COL2A1: variants seen among roughly 807,000 people sequenced by gnomAD.
COL2A1 encodes the protein collagen alpha-1(II) chain.
In COL2A1, 28 loss-of-function variants were observed where a neutral mutation model predicts 204.5. That is an observed-to-expected ratio of 0.14 (90% CI 0.10 to 0.19). The LOEUF is 0.19. Among genes scored for constraint, COL2A1 ranks in the 10% least tolerant of loss-of-function variants. The pLI is 1.00. For missense variants in COL2A1, 1,388 were observed against 2,027.5 expected (o/e 0.68, Z 6.06); for synonymous variants, 708 against 718.7 (o/e 0.99, Z 0.24).
chr12:47,991,696 G>A (rs958923062), intron 16 of COL2A1, among the ~76,000 whole-genome samples: 7 of 152,238 alleles, frequency 4.6e-5, no homozygotes, highest in African/African-American at 1.7e-4. Context: ...CTGTGCCCAG[G>A]AAGGAGGGAA....
chr12:48,001,820 T>C (rs1940248926), intron 1 of COL2A1, among the ~76,000 whole-genome samples: 1 of 152,142 alleles, frequency 6.6e-6, no homozygotes. Context: ...ACCACCATAA[T>C]TGCTGCTCCA....
chr12:47,987,606 CTTACGGA>C lies in COL2A1; in HGVS notation c.1219_1221+4del. Reference sequence around the variant, plus strand: ...CCCCCCAGGCCAAAGAGAAGCTGCACTTACGGAGGCACCAGCAGGCCCAGGGGACCCA... The same window carrying C: ...CCCCCCAGGCCAAAGAGAAGCTGCACGGCACCAGCAGGCCCAGGGGACCCA... On this transcript the variant is annotated splice_donor_variant and splice_donor_region_variant and coding_sequence_variant and intron_variant, in exon 19 of 54. Transcript: ENST00000380518. LOFTEE classifies it high-confidence loss of function. The surrounding 1 kb of genome is among the most constrained non-coding windows in gnomAD (Gnocchi z 4.1). The C allele has an allele frequency of 6.2e-7, 1 of 1,610,230 alleles. No homozygotes were observed. Among genetic ancestry groups the C allele is most frequent in the Non-Finnish European group, 8.5e-7 (1 of 1,177,940 alleles).
intron 7 of COL2A1, among the ~76,000 whole-genome samples, chr12:47,997,248 G>A (rs1358330018): frequency 3.3e-5 from 5 of 152,220 alleles, no homozygotes; most frequent in African/African-American, 4.8e-5. Context: ...AAGGATAAAT[G>A]TCTTCCAAGG....
rs200112269 is a variant in COL2A1, at chr12:47,977,388, C to T, written c.3205G>A (p.Ala1069Thr). ...GETGAVGAPG[A>T]PGPPGSPGPA... is the part of the protein sequence containing the mutation. ...CCAGGGGAGCCAGGGGGCCCAGGGG[C>T]TCCAGGAGCTCCCACAGCACCAGTC... Residue 1069 changes from alanine (A) to threonine (T), a missense_variant, in exon 46 of 54, where the codon GCC becomes ACC. By Grantham distance (58) the Ala-to-Thr change is moderately conservative. This residue lies in a region of COL2A1 where 884 missense variants were observed against 1,415.8 expected (regional missense o/e 0.62). Transcript: ENST00000380518. 1 of 1,613,530 alleles carries T rather than the reference C, an allele frequency of 6.2e-7. No homozygotes were observed. The highest frequency in any genetic ancestry group is 2.2e-5 in the East Asian group (1 of 44,880).
intron 1 of COL2A1, among the ~76,000 whole-genome samples, chr12:48,001,604 C>T (rs558110470): frequency 6.6e-6 from 1 of 152,144 alleles, no homozygotes; most frequent in Non-Finnish European, 1.5e-5. Context: ...TCAGATTTCC[C>T]GGGGAAGGGC....
At chr12:47,997,841 CAGGGT>C (rs765993509) in intron 6 of COL2A1, 25 bp downstream of exon 6, 35 of 1,613,948 alleles carry the variant, frequency 2.2e-5, no homozygotes, top group Non-Finnish European at 2.6e-5. Flanking sequence ...GGAAGTCCAC[CAGGGT>C]CAAGCAGCAT....
At position 47,975,180 on chromosome 12, in the gene COL2A1, A is replaced by C. The variant is rs1002104929; in HGVS notation, c.3886+137T>G. 38 of 1,174,156 alleles carry C rather than the reference A, an allele frequency of 3.2e-5. No homozygotes were observed. The Admixed American group carries it at 7.2e-4, about 22-fold the overall frequency. The allele number at this position is 1,174,156 out of a possible 1,614,324, so 72.7% of individuals were successfully genotyped here. A position where few individuals can be genotyped will look rare whatever the true frequency, so the allele number is the denominator to read the frequency against. On this transcript the variant is annotated intron_variant, in intron 51 of 53. Coordinates refer to ENST00000380518, the MANE Select transcript of COL2A1 (RefSeq NM_001844.5). ...CAGGGCTGCAGCTTCTCTGCTGTGA[A>C]ATAAGAGAGGAACCCTCTGGCGGAA...
At chr12:47,991,908 G>C (rs1939727628) in intron 16 of COL2A1, among the ~76,000 whole-genome samples, 1 of 152,136 alleles carries the variant, frequency 6.6e-6, no homozygotes. Flanking sequence ...GACAAAGGGG[G>C]GTCGAGGCTT....
chr12:47,986,257 C>A (rs2136570297), intron 23 of COL2A1, 79 bp downstream of exon 23: 1 of 998,660 alleles, frequency 1.0e-6, no homozygotes, highest in East Asian at 2.6e-5. Context: ...GAGACTTGAC[C>A]AGAACACGGA....
Position 47,980,887 on chromosome 12 carries a change from A to G in COL2A1, c.2517+28T>C. 1 of 1,551,746 alleles carries G rather than the reference A, an allele frequency of 6.4e-7. No homozygotes were observed. The highest frequency in any genetic ancestry group is 8.7e-7 in the Non-Finnish European group (1 of 1,147,104). On this transcript the variant is annotated intron_variant, in intron 38 of 53. Transcript: ENST00000380518. This position sits in a 1 kb window ranked among gnomAD's most constrained non-coding sequence, Gnocchi z 4.5. ...ATGTGGAACTGGCCTGAGTGGAGGG[A>G]CCCAGGAGGATGGACAGAGATACTC...
intron 2 of COL2A1, among the ~76,000 whole-genome samples, chr12:47,999,447 C>T (rs1171761797): frequency 6.6e-6 from 1 of 152,184 alleles, no homozygotes; most frequent in East Asian, 1.9e-4. Flanking sequence ...AAGAGGGAGC[C>T]TCTGCCCCTG....
Position 47,977,386 on chromosome 12 carries a change from G to T in COL2A1, c.3207C>A (p.Ala1069=). 1 of 1,613,562 alleles carries T rather than the reference G, an allele frequency of 6.2e-7. No individual in the cohort carries two copies. The highest frequency in any genetic ancestry group is 8.5e-7 in the Non-Finnish European group (1 of 1,179,710). ...GETGAVGAPG[A]PGPPGSPGPA... Reference sequence around the variant, plus strand: ...GGCCAGGGGAGCCAGGGGGCCCAGGGGCTCCAGGAGCTCCCACAGCACCAG... The same window carrying T: ...GGCCAGGGGAGCCAGGGGGCCCAGGTGCTCCAGGAGCTCCCACAGCACCAG... The change falls in exon 46 of 54, where the codon GCC becomes GCA. Residue 1069 remains alanine, a synonymous_variant. Transcript: ENST00000380518.
chr12:47,985,867 C>A, intron 24 of COL2A1, 41 bp from the exon 25 acceptor site: 1 of 1,577,344 alleles, frequency 6.3e-7, no homozygotes, highest in Non-Finnish European at 8.6e-7. Flanking sequence ...ACCATGTGAC[C>A]TCAGCGATGC....
chr12:47,974,021 G>A (rs756901169), intron 53 of COL2A1, 68 bp downstream of exon 53: 33 of 1,612,174 alleles, frequency 2.0e-5, no homozygotes, highest in East Asian at 1.8e-4. Context: ...GCTGCCGCGG[G>A]CCAACCCTCA....
At chr12:47,986,031 GTCC>G in intron 23 of COL2A1, 66 bp from the exon 24 acceptor site, 2 of 1,460,138 alleles carry the variant, frequency 1.4e-6, no homozygotes, top group Non-Finnish European at 1.9e-6. Context: ...GCTCCAGTGG[GTCC>G]ATCCCACTAA....
rs2136619088 is a variant in COL2A1 at position 47,995,903 on chromosome 12, C to T, written c.626G>A (p.Arg209Gln). Residue 209 changes from arginine (R) to glutamine (Q), a missense_variant, in exon 9 of 54, where the codon CGA becomes CAA. Arg to Gln is a conservative substitution (Grantham distance 43, BLOSUM62 1). Around this residue, in one of 3 missense-constraint regions of COL2A1, gnomAD observed 884 missense variants for 1,415.8 expected, o/e 0.62. Transcript: ENST00000380518. The part of the protein sequence containing the change: ...MQGPMGPMGP[R>Q]GPPGPAGAPG... Reference sequence around the variant, plus strand: ...AGCACCTGCAGGGCCTGGAGGTCCTCGAGGTCCCATGGGGCCCTGCATCGG... The same window carrying T: ...AGCACCTGCAGGGCCTGGAGGTCCTTGAGGTCCCATGGGGCCCTGCATCGG... The T allele has an allele frequency of 3.1e-6, 5 of 1,613,754 alleles. No individual in the cohort carries two copies. Among genetic ancestry groups the T allele is most frequent in the South Asian group, 1.1e-5 (1 of 91,052 alleles).
chr12:47,988,487 AT>A (rs1939543153), intron 18 of COL2A1: 1 of 154,634 alleles, frequency 6.5e-6, no homozygotes, highest in South Asian at 2.0e-4. Flanking sequence ...CACTGTGGTA[AT>A]TATTATTTTC....
At chr12:47,986,014 C>CATTGG in intron 23 of COL2A1, 49 bp from the exon 24 acceptor site, 1 of 1,534,884 alleles carries the variant, frequency 6.5e-7, no homozygotes, top group Non-Finnish European at 8.8e-7. Context: ...AGCCCCAACC[C>CATTGG]AGCCAGGCTC....
chr12:47,996,683 G>C, intron 7 of COL2A1, 58 bp from the exon 8 acceptor site: 1 of 1,355,446 alleles, frequency 7.4e-7, no homozygotes, highest in Non-Finnish European at 1.1e-6. Flanking sequence ...TCCCTACTTG[G>C]CTAGGTAAGC....
Sources: allele counts gnomAD v4.1 joint callset (sites outside exome capture counted in the v4.1 genomes callset), GRCh38; gene constraint gnomAD v4.1.1; regional missense constraint gnomAD v4.1.1; non-coding constraint Gnocchi (gnomAD v3.1); transcripts MANE v1.5; gene names NCBI Gene and HGNC (gene_info 2026-07-23, HGNC 2026-07-21).